LPP: variants seen among roughly 807,000 people sequenced by gnomAD.
The protein encoded by LPP is LIM domain containing preferred translocation partner in lipoma.
LPP carries 38 observed loss-of-function variants against 60.4 expected under a neutral mutation model. The observed-to-expected ratio is 0.63, with a 90% confidence interval of 0.49 to 0.83. The LOEUF is 0.83. Ranked by LOEUF, LPP falls within the 40% of genes least tolerant of loss-of-function variation. The pLI is 0.00. For missense variants in LPP, 902 were observed against 783.6 expected (o/e 1.15, Z -1.80); for synonymous variants, 328 against 290.8 (o/e 1.13, Z -1.30).
At chr3:188,716,665 A>G (rs1271681417) in intron 8 of LPP, among the ~76,000 whole-genome samples, 5 of 152,232 alleles carry the variant, frequency 3.3e-5, no homozygotes, top group Non-Finnish European at 5.9e-5. Flanking sequence ...AAGTGAGGGG[A>G]GTCTGGCCAG....
intron 3 of LPP, among the ~76,000 whole-genome samples, chr3:188,379,209 G>A (rs1776186682): frequency 6.6e-6 from 1 of 152,068 alleles, no homozygotes; most frequent in Admixed American, 6.5e-5. Context: ...AGTTGGTGAG[G>A]CAGCCACAAA....
At chr3:188,810,774 A>G (rs569264076) in intron 9 of LPP, among the ~76,000 whole-genome samples, 1 of 152,226 alleles carries the variant, frequency 6.6e-6, no homozygotes, top group South Asian at 2.1e-4. Flanking sequence ...TTAGATTTGC[A>G]CACTGTCTGG....
chr3:188,726,257 C>T (rs1226369305), intron 8 of LPP, among the ~76,000 whole-genome samples: 3 of 152,134 alleles, frequency 2.0e-5, no homozygotes, highest in Non-Finnish European at 4.4e-5. Flanking sequence ...CATCTTGTGA[C>T]AATTTAGAGA....
chr3:188,382,981 CA>C (rs1334756520), intron 3 of LPP, among the ~76,000 whole-genome samples: 1 of 152,160 alleles, frequency 6.6e-6, no homozygotes, highest in African/African-American at 2.4e-5. Context: ...ACATAGGATC[CA>C]ACTGCCTCAT....
chr3:188,888,349 C>A lies in LPP; in HGVS notation c.*13870C>A, dbSNP rs561224989. 1 of 228,072 alleles carries A rather than the reference C, an allele frequency of 4.4e-6. No homozygotes were observed. The highest frequency in any genetic ancestry group is 6.3e-5 in the East Asian group (1 of 15,998). 14.1% of individuals were successfully genotyped at this position (228,072 alleles called of 1,614,324 possible). A position where few individuals can be genotyped will look rare whatever the true frequency, so the allele number is the denominator to read the frequency against. On this transcript the variant is annotated 3_prime_UTR_variant, in exon 12 of 12. Coordinates refer to ENST00000617246, the MANE Select transcript of LPP (RefSeq NM_001375462.1). ...GAGGATAGTAATTTTCCCTGAGCCA[C>A]GCACACAGGCTTTTATTTCATGCCT...
intron 6 of LPP, among the ~76,000 whole-genome samples, chr3:188,597,490 G>T (rs1471323442): frequency 3.9e-5 from 6 of 152,012 alleles, no homozygotes; most frequent in African/African-American, 1.4e-4. Flanking sequence ...TAAAAGATAG[G>T]AATGGTTGGT....
chr3:188,276,439 G>A (rs556554919), intron 2 of LPP, among the ~76,000 whole-genome samples: 15 of 152,280 alleles, frequency 9.9e-5, no homozygotes, highest in South Asian at 6.2e-4. Context: ...AGAGTGGTTC[G>A]TGGCCCTGGG....
chr3:188,798,953 G>A (rs1746208255), intron 9 of LPP, among the ~76,000 whole-genome samples: 1 of 152,184 alleles, frequency 6.6e-6, no homozygotes, highest in Admixed American at 6.5e-5. Flanking sequence ...CACTTAAAAG[G>A]GTGATTAACT....
intron 4 of LPP, among the ~76,000 whole-genome samples, chr3:188,451,925 T>C (rs768315993): frequency 6.6e-6 from 1 of 152,178 alleles, no homozygotes; most frequent in Non-Finnish European, 1.5e-5. Flanking sequence ...CTCTAGAATA[T>C]GACAGTGAAC....
intron 1 of LPP, among the ~76,000 whole-genome samples, chr3:188,178,378 GT>G (rs145791393): frequency 2.6e-5 from 4 of 151,878 alleles, no homozygotes; most frequent in Non-Finnish European, 5.9e-5. Context: ...TCATTTATCT[GT>G]TTTTTTTCTG....
At chr3:188,351,689 C>CT (rs1765883524) in intron 3 of LPP, among the ~76,000 whole-genome samples, 1 of 152,196 alleles carries the variant, frequency 6.6e-6, no homozygotes, top group South Asian at 2.1e-4. Context: ...AGCAGAAGCT[C>CT]TTTCCTGTAA....
chr3:188,838,031 C>T (rs554832097), intron 9 of LPP, among the ~76,000 whole-genome samples: 1 of 152,096 alleles, frequency 6.6e-6, no homozygotes, highest in Non-Finnish European at 1.5e-5. Context: ...TATTAAAAAG[C>T]CTATCTCTAG....
At chr3:188,680,148 T>C (rs976499387) in intron 7 of LPP, among the ~76,000 whole-genome samples, 1 of 152,182 alleles carries the variant, frequency 6.6e-6, no homozygotes, top group Non-Finnish European at 1.5e-5. Context: ...CTTCTTTTCT[T>C]CTCCGTTCTC....
intron 6 of LPP, chr3:188,553,755 G>A (rs891112810): frequency 1.3e-5 from 2 of 152,194 alleles, no homozygotes; most frequent in Non-Finnish European, 1.5e-5. Flanking sequence ...ACACTGTTGT[G>A]TTGCAGAGGA....
intron 9 of LPP, among the ~76,000 whole-genome samples, chr3:188,846,679 A>T (rs1376474501): frequency 2.9e-5 from 3 of 102,702 alleles, no homozygotes; most frequent in African/African-American, 1.1e-4. Context: ...GCAAGATTCC[A>T]TCTCAAAAAA....
At chr3:188,376,524 C>T (rs1015253872) in intron 3 of LPP, among the ~76,000 whole-genome samples, 1 of 152,102 alleles carries the variant, frequency 6.6e-6, no homozygotes, top group African/African-American at 2.4e-5. Flanking sequence ...ACTAGGATTG[C>T]AACCCCTGCC....
intron 2 of LPP, among the ~76,000 whole-genome samples, chr3:188,242,515 CCATTCAACAAATA>C: frequency 6.6e-6 from 1 of 152,230 alleles, no homozygotes; most frequent in Admixed American, 6.5e-5. Context: ...GCATTTTCAT[CCATTCAACAAATA>C]CACACCAGGT....
At chr3:188,748,560 G>A (rs1359469898) in intron 8 of LPP, among the ~76,000 whole-genome samples, 1 of 152,044 alleles carries the variant, frequency 6.6e-6, no homozygotes, top group Non-Finnish European at 1.5e-5. Context: ...GAGGCAGGTG[G>A]ATCACAAGGT....
chr3:188,205,277 CTT>C lies in LPP; in HGVS notation c.-189-20106_-189-20105del, dbSNP rs34713244. On this transcript the variant is annotated intron_variant, in intron 1 of 11. Transcript: ENST00000617246. The stretch of plus-strand genomic sequence containing the variant: ...ACACAGGTCCTAAATAGATTATAAT[CTT>C]TTTTTTTTTTTTTTTTTTTTTGGCA... Among the ~76,000 whole-genome samples, 13 of 103,406 alleles carry C rather than the reference CTT, an allele frequency of 1.3e-4. No individual in the cohort carries two copies. In the South Asian group the frequency reaches 1.6e-3, roughly 13 times the overall value. The allele number at this position is 103,406 out of a possible 152,430, so 67.8% of individuals were successfully genotyped here.
Sources: gnomAD v4.1 joint callset for allele counts (sites outside exome capture counted in the v4.1 genomes callset) on GRCh38, gnomAD v4.1.1 for gene constraint, MANE v1.5 for transcripts, NCBI Gene and HGNC (gene_info 2026-07-23, HGNC 2026-07-21) for gene names.